Variants in CSE1L observed in about 807,000 individuals in gnomAD.
CSE1L encodes chromosome segregation 1 like.
A neutral mutation model predicts 120.4 loss-of-function variants in CSE1L; 24 were observed. That is an observed-to-expected ratio of 0.20 (90% CI 0.14 to 0.28). CSE1L has a LOEUF of 0.28. Ranked by LOEUF, CSE1L falls within the 10% of genes least tolerant of loss-of-function variation. CSE1L has a pLI of 1.00. For missense variants in CSE1L, 830 were observed against 1,145.2 expected (o/e 0.72, Z 3.97); for synonymous variants, 402 against 398.3 (o/e 1.01, Z -0.11).
At chr20:49,061,167 ATTTTTTTTTTTTT>A (rs3092068) in intron 2 of CSE1L, among the ~76,000 whole-genome samples, 4 of 116,308 alleles carry the variant, frequency 3.4e-5, no homozygotes, top group Admixed American at 9.8e-5. Flanking sequence ...ACTATTAAAA[ATTTTTTTTTTTTT>A]TTTTTTTTTG....
chr20:49,085,466 G>A (rs1026753310), intron 16 of CSE1L, 80 bp downstream of exon 16: 1 of 895,220 alleles, frequency 1.1e-6, no homozygotes, highest in South Asian at 1.4e-5. Flanking sequence ...TATACTTCAG[G>A]TTATACAGTC....
At chr20:49,087,142 T>G (rs1325726348) in intron 16 of CSE1L, among the ~76,000 whole-genome samples, 1 of 152,186 alleles carries the variant, frequency 6.6e-6, no homozygotes. Context: ...ATGCTTCCTA[T>G]TTTTAACCCA....
chr20:49,083,371 C>T (rs1396460803), intron 14 of CSE1L, among the ~76,000 whole-genome samples: 2 of 152,192 alleles, frequency 1.3e-5, no homozygotes, highest in Non-Finnish European at 2.9e-5. Context: ...ATCCAGCTAC[C>T]TCAGCCTCTC....
At position 49,047,607 on chromosome 20, in the gene CSE1L, C is replaced by T. The variant is rs576359678; in HGVS notation, c.-12+1184C>T. On this transcript the variant is annotated intron_variant, in intron 1 of 24. Coordinates refer to ENST00000262982, the MANE Select transcript of CSE1L (RefSeq NM_001316.4). ...TTTTTTTTTTTGAGAGAGAGAGTCT[C>T]GCTCTGCCTCCCAGGCTGGAGTGCA... is the stretch of plus-strand genomic sequence containing the variant. 1.7e-4 allele frequency among the ~76,000 whole-genome samples: 13 copies of T among 77,400 alleles called. No individual in the cohort carries two copies. The South Asian group carries it at 4.6e-3, about 27-fold the overall frequency. 50.8% of individuals were successfully genotyped at this position (77,400 alleles called of 152,430 possible). A position where few individuals can be genotyped will look rare whatever the true frequency, so the allele number is the denominator to read the frequency against.
At chr20:49,065,313 ATTTTTTTTTTTTTT>A (rs376073464) in intron 3 of CSE1L, among the ~76,000 whole-genome samples, 11 of 52,080 alleles carry the variant, frequency 2.1e-4, no homozygotes, top group Non-Finnish European at 3.7e-4. Flanking sequence ...TGAAAAAAAA[ATTTTTTTTTTTTTT>A]TTTTTTTTTT....
At chr20:49,092,256 A>T in intron 22 of CSE1L, 129 bp downstream of exon 22, 2 of 573,924 alleles carry the variant, frequency 3.5e-6, no homozygotes, top group Non-Finnish European at 6.0e-6. Flanking sequence ...TGGTTTTCAA[A>T]ATATTCTTAG....
chr20:49,085,562 ATTTTTTT>A (rs11471947), intron 16 of CSE1L, among the ~76,000 whole-genome samples, 176 bp downstream of exon 16: 11 of 80,202 alleles, frequency 1.4e-4, no homozygotes, highest in African/African-American at 2.2e-4. Flanking sequence ...ACTAACAATA[ATTTTTTT>A]TTTTTTTTTT....
chr20:49,072,636 G>C lies in CSE1L; in HGVS notation c.1005G>C (p.Glu335Asp). 1 of 1,613,830 alleles carries C rather than the reference G, an allele frequency of 6.2e-7. No individual in the cohort carries two copies. The highest frequency in any genetic ancestry group is 2.2e-5 in the East Asian group (1 of 44,864). ...CERPHYKNLF[E>D]DQNTLTSICE... ...GACCTCATTATAAGAATCTATTTGA[G>C]GACCAGAACACGCTGACAAGTATCT... Residue 335 changes from glutamate to aspartate, a missense_variant, in exon 10 of 25, where the codon GAG becomes GAC. By Grantham distance (45) the Glu-to-Asp change is conservative. Transcript: ENST00000262982.
intron 17 of CSE1L, 44 bp downstream of exon 17, chr20:49,088,150 T>A: frequency 1.5e-6 from 2 of 1,348,668 alleles, no homozygotes; most frequent in Non-Finnish European, 2.1e-6. Context: ...TTTTATTTGC[T>A]CCAAACTGTT....
intron 14 of CSE1L, among the ~76,000 whole-genome samples, chr20:49,081,389 T>C (rs992715304): frequency 1.3e-5 from 2 of 152,078 alleles, no homozygotes; most frequent in Non-Finnish European, 2.9e-5. Context: ...GCTCAAGCAG[T>C]CCTCCCACTT....
chr20:49,084,314 G>A (rs2092036978), intron 15 of CSE1L, 152 bp downstream of exon 15: 1 of 764,182 alleles, frequency 1.3e-6, no homozygotes, highest in Non-Finnish European at 2.0e-6. Flanking sequence ...AAGCATTTGA[G>A]GCTGCTTACT....
chr20:49,081,409 C>G (rs545863827), intron 14 of CSE1L, among the ~76,000 whole-genome samples: 14 of 152,060 alleles, frequency 9.2e-5, no homozygotes, highest in East Asian at 5.8e-4. Flanking sequence ...TTCAGCCTCC[C>G]GAGTAGCTGG....
At chr20:49,095,057 G>C in intron 24 of CSE1L, 94 bp downstream of exon 24, 1 of 966,992 alleles carries the variant, frequency 1.0e-6, no homozygotes, top group South Asian at 1.4e-5. Context: ...TTCATTGGTG[G>C]GCGTAATAAA....
rs2092143516 is a variant in CSE1L at position 49,096,640 on chromosome 20, C to G, written c.*202C>G. 1.7e-6 allele frequency: 1 copy of G among 590,526 alleles called. No homozygotes were observed. The highest frequency in any genetic ancestry group is 3.0e-5 in the Admixed American group (1 of 32,790). The allele number at this position is 590,526 out of a possible 1,614,324, so 36.6% of individuals were successfully genotyped here. On this transcript the variant is annotated 3_prime_UTR_variant, in exon 25 of 25. Transcript: ENST00000262982. The stretch of plus-strand genomic sequence containing the variant: ...GATCATACAGTTATGTGGGTGGCTT[C>G]TAGTTTGCAACTTCAAGGGACAAGT...
Position 49,068,459 on chromosome 20 carries a change from C to G in CSE1L, c.568-256C>G, listed in dbSNP as rs2091909786. On this transcript the variant is annotated intron_variant, in intron 6 of 24. Transcript: ENST00000262982. ...AAAAACAAAAACAAAATTAGCCGGG[C>G]GTGGTGGCAGGCACCTATAGTCCCA... 2.6e-5 allele frequency among the ~76,000 whole-genome samples: 4 copies of G among 152,036 alleles called. No homozygotes were observed. In the South Asian group the frequency reaches 8.3e-4, roughly 32 times the overall value.
At chr20:49,090,721 T>C in intron 19 of CSE1L, 21 bp from the exon 20 acceptor site, 1 of 1,591,080 alleles carries the variant, frequency 6.3e-7, no homozygotes, top group Non-Finnish European at 8.6e-7. Context: ...CCATTTTCTG[T>C]TGGATCTCAT....
intron 16 of CSE1L, among the ~76,000 whole-genome samples, chr20:49,087,279 C>A (rs1387449101): frequency 6.6e-6 from 1 of 151,020 alleles, no homozygotes; most frequent in Non-Finnish European, 1.5e-5. Flanking sequence ...TCTTCAGTTT[C>A]CTGTAGTTTG....
At chr20:49,078,684 C>A in intron 14 of CSE1L, 62 bp downstream of exon 14, 2 of 1,056,938 alleles carry the variant, frequency 1.9e-6, no homozygotes, top group Non-Finnish European at 2.7e-6. Flanking sequence ...TTATGTACCA[C>A]CTTCTCATCT....
At chr20:49,089,793 G>T (rs759044875) in intron 19 of CSE1L, 47 bp downstream of exon 19, 8 of 1,548,190 alleles carry the variant, frequency 5.2e-6, no homozygotes, top group Non-Finnish European at 4.5e-6. Context: ...GTAGCTTGGA[G>T]AAACTGGGGA....
Sources: gnomAD v4.1 joint callset for allele counts (sites outside exome capture counted in the v4.1 genomes callset) on GRCh38, gnomAD v4.1.1 for gene constraint, MANE v1.5 for transcripts, NCBI Gene and HGNC (gene_info 2026-07-23, HGNC 2026-07-21) for gene names.